BCAS3: variants seen among roughly 807,000 people sequenced by gnomAD.
BCAS3 encodes the protein BCAS3 microtubule associated cell migration factor.
BCAS3 carries 53 observed loss-of-function variants against 116.1 expected under a neutral mutation model. The ratio of observed to expected loss-of-function variants is 0.46; its 90% CI spans 0.37 to 0.57. The LOEUF (loss-of-function observed/expected upper bound fraction) is 0.57. Among genes scored for constraint, BCAS3 ranks in the 20% least tolerant of loss-of-function variants. BCAS3 has a pLI of 0.00. For missense variants in BCAS3, 917 were observed against 1,165.4 expected (o/e 0.79, Z 3.10); for synonymous variants, 391 against 408.2 (o/e 0.96, Z 0.51).
chr17:60,878,003 C>CTTTTTTTTT (rs947863417), intron 9 of BCAS3, among the ~76,000 whole-genome samples: 1 of 134,096 alleles, frequency 7.5e-6, no homozygotes, highest in South Asian at 2.2e-4. Context: ...CCAGTAATGT[C>CTTTTTTTTT]TTTTTTTTTC....
At chr17:61,114,829 A>T (rs1216857341) in intron 22 of BCAS3, among the ~76,000 whole-genome samples, 1 of 149,914 alleles carries the variant, frequency 6.7e-6, no homozygotes, top group Non-Finnish European at 1.5e-5. Context: ...ACACTACCTG[A>T]CTTCAAACTA....
At chr17:60,731,958 A>G (rs1362974631) in intron 5 of BCAS3, among the ~76,000 whole-genome samples, 2 of 151,988 alleles carry the variant, frequency 1.3e-5, no homozygotes, top group Admixed American at 6.6e-5. Context: ...TATTTTTAGT[A>G]GAGATGGGGT....
At chr17:61,022,549 C>T (rs2065953919) in intron 16 of BCAS3, among the ~76,000 whole-genome samples, 1 of 151,524 alleles carries the variant, frequency 6.6e-6, no homozygotes, top group Non-Finnish European at 1.5e-5. Flanking sequence ...CAGCCTATAC[C>T]ATATTTTTAA....
Position 60,689,672 on chromosome 17 carries a change from T to A in BCAS3, c.139-14T>A. The A allele has an allele frequency of 6.4e-7, 1 of 1,561,424 alleles. No homozygotes were observed. Among genetic ancestry groups the A allele is most frequent in the Non-Finnish European group, 8.8e-7 (1 of 1,139,990 alleles). ...TAAAATATGTTTATTCAAATGTTTC[T>A]GTTTACTATGCAGGCTTACAGTGGA... On this transcript the variant is annotated splice_polypyrimidine_tract_variant and intron_variant, in intron 3 of 23. Coordinates refer to ENST00000407086, the MANE Select transcript of BCAS3 (RefSeq NM_017679.5).
intron 22 of BCAS3, among the ~76,000 whole-genome samples, chr17:61,322,025 C>T (rs2055263417): frequency 6.6e-6 from 1 of 152,094 alleles, no homozygotes; most frequent in African/African-American, 2.4e-5. Flanking sequence ...CTTCCGCCTC[C>T]CAGGTTCAAG....
At position 60,812,674 on chromosome 17, in the gene BCAS3, A is replaced by AATAC. The variant is rs748325727; in HGVS notation, c.476+4618_476+4621dup. On this transcript the variant is annotated intron_variant, in intron 7 of 23. Transcript: ENST00000407086. The stretch of plus-strand genomic sequence containing the variant: ...GAGTGCTATCAACAATCCATGAGTC[A>AATAC]ATACATACATACATACATACATATA... 8.3e-4 allele frequency among the ~76,000 whole-genome samples: 126 copies of AATAC among 152,180 alleles called. 1 individual carries two copies. Among genetic ancestry groups the AATAC allele is most frequent in the Middle Eastern group, 3.4e-3 (1 of 294 alleles).
At chr17:60,802,371 C>CATATATATATATAT (rs533515914) in intron 6 of BCAS3, among the ~76,000 whole-genome samples, 109 of 111,932 alleles carry the variant, frequency 9.7e-4, no homozygotes, top group African/African-American at 3.9e-3. Context: ...TACATACATA[C>CATATATATATATAT]ATATATATAT....
chr17:60,736,945 C>A (rs1029313851), intron 5 of BCAS3, among the ~76,000 whole-genome samples: 62 of 130,422 alleles, frequency 4.8e-4, no homozygotes, highest in African/African-American at 1.7e-3. Flanking sequence ...TTCCTTCCTT[C>A]CTTCCTATTT....
At chr17:60,704,584 T>G (rs1318618344) in intron 4 of BCAS3, among the ~76,000 whole-genome samples, 2 of 152,142 alleles carry the variant, frequency 1.3e-5, no homozygotes, top group African/African-American at 2.4e-5. Context: ...TTCACGCCTG[T>G]AATCCCAGCA....
chr17:61,245,452 T>C (rs1316589333), intron 22 of BCAS3: 1 of 151,676 alleles, frequency 6.6e-6, no homozygotes, highest in East Asian at 1.9e-4. Context: ...TGGGCTCAAG[T>C]GATCCTCTCA....
chr17:60,849,532 CTT>C (rs2052868252), intron 7 of BCAS3, among the ~76,000 whole-genome samples: 3 of 151,940 alleles, frequency 2.0e-5, no homozygotes. Flanking sequence ...GAAAATAAGA[CTT>C]ATTTTTTCTC....
At chr17:60,795,101 G>A (rs2047100008) in intron 6 of BCAS3, among the ~76,000 whole-genome samples, 1 of 152,042 alleles carries the variant, frequency 6.6e-6, no homozygotes, top group South Asian at 2.1e-4. Context: ...GTGTTTTGTA[G>A]TTTTCCTTGT....
At chr17:60,744,124 C>G (rs2041833002) in intron 5 of BCAS3, among the ~76,000 whole-genome samples, 1 of 152,310 alleles carries the variant, frequency 6.6e-6, no homozygotes. Flanking sequence ...CCTGTTCGCT[C>G]TTCTCCCCAA....
At chr17:61,182,309 G>A (rs2079527790) in intron 22 of BCAS3, among the ~76,000 whole-genome samples, 1 of 152,120 alleles carries the variant, frequency 6.6e-6, no homozygotes, top group Admixed American at 6.5e-5. Context: ...GTGGAAGAGT[G>A]TGGACTATGA....
chr17:61,212,785 C>A (rs1601939530), intron 22 of BCAS3, among the ~76,000 whole-genome samples: 1 of 152,136 alleles, frequency 6.6e-6, no homozygotes, highest in East Asian at 1.9e-4. Context: ...TTTGGAATCA[C>A]AATTCATTAG....
chr17:60,879,874 G>GA (rs1006026679), intron 9 of BCAS3, among the ~76,000 whole-genome samples: 2 of 152,210 alleles, frequency 1.3e-5, no homozygotes, highest in African/African-American at 4.8e-5. Flanking sequence ...TTTATGTGAA[G>GA]AAACAAGTTT....
At chr17:60,823,801 G>A (rs1402621303) in intron 7 of BCAS3, among the ~76,000 whole-genome samples, 1 of 152,142 alleles carries the variant, frequency 6.6e-6, no homozygotes, top group Non-Finnish European at 1.5e-5. Context: ...GTGAGAGAAG[G>A]CAGTCTTCCA....
Position 61,124,794 on chromosome 17 carries a change from A to G in BCAS3, c.2425+40230A>G, listed in dbSNP as rs574992852. On this transcript the variant is annotated intron_variant, in intron 22 of 23. Coordinates refer to ENST00000407086, the MANE Select transcript of BCAS3 (RefSeq NM_017679.5). The surrounding 1 kb of genome is among the most constrained non-coding windows in gnomAD (Gnocchi z 4.6). Reference sequence around the variant, plus strand: ...CAGGTAATTTCCTGAGCTGTATGGTACAGATGATTTTCTGTGTTAGAAGAT... The same window carrying G: ...CAGGTAATTTCCTGAGCTGTATGGTGCAGATGATTTTCTGTGTTAGAAGAT... Among the ~76,000 whole-genome samples, 38 of 152,296 alleles carry G rather than the reference A, an allele frequency of 2.5e-4. No homozygotes were observed. Among genetic ancestry groups the G allele is most frequent in the Middle Eastern group, 3.4e-3 (1 of 294 alleles).
In BCAS3 at chr17:61,141,791, C is replaced by T. The variant is rs1032879229; in HGVS notation, c.2425+57227C>T. On this transcript the variant is annotated intron_variant, in intron 22 of 23. Coordinates refer to ENST00000407086, the MANE Select transcript of BCAS3 (RefSeq NM_017679.5). This position sits in a 1 kb window ranked among gnomAD's most constrained non-coding sequence, Gnocchi z 4.3. ...TGGCGCACGCCTGTAGTCCCAACTA[C>T]TCAGGAGGCTGAGGCAGGAGAATCG... 4.6e-5 allele frequency among the ~76,000 whole-genome samples: 7 copies of T among 151,496 alleles called. No homozygotes were observed. The highest frequency in any genetic ancestry group is 1.7e-4 in the African/African-American group (7 of 41,162).
Sources: gnomAD v4.1 joint callset for allele counts (sites outside exome capture counted in the v4.1 genomes callset) on GRCh38, gnomAD v4.1.1 for gene constraint, Gnocchi (gnomAD v3.1) non-coding constraint, MANE v1.5 for transcripts, NCBI Gene and HGNC (gene_info 2026-07-23, HGNC 2026-07-21) for gene names.